PTPN22: variants seen among roughly 807,000 people sequenced by gnomAD.
The protein encoded by PTPN22 is protein tyrosine phosphatase non-receptor type 22.
In PTPN22, 85 loss-of-function variants were observed where a neutral mutation model predicts 103.3. The observed-to-expected ratio is 0.82, with a 90% CI of 0.69 to 0.99. The LOEUF (loss-of-function observed/expected upper bound fraction) is 0.99, where lower values mean the gene tolerates loss of function less well. Ranked by LOEUF, PTPN22 falls within the 50% of genes least tolerant of loss-of-function variation. The probability of loss-of-function intolerance (pLI) is 0.00; values close to 1 mark genes in which losing one functional copy is unlikely to be tolerated. For missense variants in PTPN22, 865 were observed against 936.9 expected (o/e 0.92, Z 1.00); for synonymous variants, 323 against 310.2 (o/e 1.04, Z -0.43).
At chr1:113,845,827 A>G (rs1396460083) in intron 11 of PTPN22, among the ~76,000 whole-genome samples, 2 of 152,204 alleles carry the variant, frequency 1.3e-5, no homozygotes, top group Non-Finnish European at 2.9e-5. Flanking sequence ...TGGTCTATAT[A>G]CATTTAGGAC....
chr1:113,842,697 C>A (rs1042457360), intron 11 of PTPN22, among the ~76,000 whole-genome samples: 12 of 151,588 alleles, frequency 7.9e-5, no homozygotes, highest in African/African-American at 2.9e-4. Flanking sequence ...AAACAAAAAA[C>A]AGAAAATAAA....
intron 11 of PTPN22, among the ~76,000 whole-genome samples, chr1:113,846,118 T>C (rs1664029060): frequency 6.6e-6 from 1 of 152,148 alleles, no homozygotes; most frequent in Admixed American, 6.6e-5. Flanking sequence ...GTATTTAGGC[T>C]TATATGTTTA....
At chr1:113,859,116 G>T in intron 2 of PTPN22, 38 bp from the exon 3 acceptor site, 1 of 1,606,088 alleles carries the variant, frequency 6.2e-7, no homozygotes. Flanking sequence ...AATTAAGAGG[G>T]CTTAGTCAGC....
At chr1:113,818,591 G>A (rs1044036077) in intron 20 of PTPN22, among the ~76,000 whole-genome samples, 1 of 152,146 alleles carries the variant, frequency 6.6e-6, no homozygotes, top group Non-Finnish European at 1.5e-5. Context: ...CTTAGGCGTG[G>A]CAGAGATTGC....
chr1:113,867,357 A>G (rs544595420), intron 1 of PTPN22, among the ~76,000 whole-genome samples: 1 of 152,308 alleles, frequency 6.6e-6, no homozygotes, highest in South Asian at 2.1e-4. Flanking sequence ...GTTAAATTTC[A>G]TCTCTATGGC....
chr1:113,815,052 T>C, intron 20 of PTPN22, 83 bp from the exon 21 acceptor site: 1 of 954,288 alleles, frequency 1.0e-6, no homozygotes, highest in Non-Finnish European at 1.6e-6. Flanking sequence ...TATATTATAA[T>C]ATATGCAAAT....
At chr1:113,831,997 C>G (rs1005821782) in intron 16 of PTPN22, among the ~76,000 whole-genome samples, 1 of 152,214 alleles carries the variant, frequency 6.6e-6, no homozygotes, top group Middle Eastern at 3.4e-3. Flanking sequence ...AAGTACTACG[C>G]TAAAAGCTTT....
chr1:113,853,031 C>T (rs762546855), intron 9 of PTPN22, among the ~76,000 whole-genome samples: 3 of 152,128 alleles, frequency 2.0e-5, no homozygotes, highest in Non-Finnish European at 2.9e-5. Context: ...CTCTGTCTCC[C>T]GGGTTCAAGC....
At position 113,829,725 on chromosome 1, in the gene PTPN22, AG is replaced by A; in HGVS notation, c.2135-19del. 6.9e-7 allele frequency: 1 copy of A among 1,458,276 alleles called. No individual in the cohort carries two copies. The highest frequency in any genetic ancestry group is 9.4e-7 in the Non-Finnish European group (1 of 1,066,206). The allele number at this position is 1,458,276 out of a possible 1,614,324, so 90.3% of individuals were successfully genotyped here. On this transcript the variant is annotated intron_variant, in intron 17 of 20. Transcript: ENST00000359785. ...CTGCATACCTTAAAAAAAAAAAAGG[AG>A]AAAAACATGTTCCATTGCATACCTT...
rs552810579 is a variant in PTPN22 at position 113,861,237 on chromosome 1, G to GTTTGTT, written c.88-1783_88-1778dup. Among the ~76,000 whole-genome samples, 36 of 151,836 alleles carry GTTTGTT rather than the reference G, an allele frequency of 2.4e-4. No homozygotes were observed. The South Asian group carries it at 6.9e-3, about 29-fold the overall frequency. ...CCTTTTTCTTTCTGTTTTTTTGTTT[G>GTTTGTT]TTTGTTTTTGTTTTTGTTTTTGAGA... On this transcript the variant is annotated intron_variant, in intron 1 of 20. Coordinates refer to ENST00000359785, the Ensembl canonical transcript of PTPN22.
chr1:113,852,500 G>A (rs148037288), intron 9 of PTPN22, among the ~76,000 whole-genome samples: 2 of 152,296 alleles, frequency 1.3e-5, no homozygotes, highest in Admixed American at 6.5e-5. Flanking sequence ...AGATTGGAAC[G>A]CAAAGTATGA....
intron 1 of PTPN22, among the ~76,000 whole-genome samples, chr1:113,862,529 T>C (rs376622405): frequency 1.3e-5 from 2 of 152,194 alleles, no homozygotes; most frequent in South Asian, 2.1e-4. Context: ...TTGAGTCATT[T>C]GCATGTTATT....
chr1:113,859,142 C>G, intron 2 of PTPN22, 64 bp from the exon 3 acceptor site: 1 of 1,593,914 alleles, frequency 6.3e-7, no homozygotes, highest in Non-Finnish European at 8.5e-7. Flanking sequence ...TAAATCAGGG[C>G]CTAACACTGT....
exon 13 of PTPN22, chr1:113,838,344 A>G (rs1663210555): frequency 6.2e-7 from 1 of 1,603,456 alleles, no homozygotes; most frequent in African/African-American, 1.3e-5. Context: ...AGTCAAAGGA[A>G]GAAGATTCTT....
chr1:113,861,034 T>C (rs1398967118), intron 1 of PTPN22, among the ~76,000 whole-genome samples: 1 of 152,160 alleles, frequency 6.6e-6, no homozygotes, highest in Non-Finnish European at 1.5e-5. Flanking sequence ...CAGAATGGCT[T>C]TCATTTTTCC....
intron 10 of PTPN22, among the ~76,000 whole-genome samples, chr1:113,849,374 G>A (rs878931731): frequency 6.6e-6 from 1 of 152,118 alleles, no homozygotes; most frequent in African/African-American, 2.4e-5. Context: ...GTTTTTGCCT[G>A]TACTTTCTCA....
intron 20 of PTPN22, among the ~76,000 whole-genome samples, chr1:113,818,346 G>A (rs957036264): frequency 4.0e-5 from 6 of 151,714 alleles, no homozygotes; most frequent in African/African-American, 1.5e-4. Context: ...TGTATTTTTA[G>A]TAGAGACAGG....
At chr1:113,815,094 C>T in intron 20 of PTPN22, 125 bp from the exon 21 acceptor site, 1 of 675,192 alleles carries the variant, frequency 1.5e-6, no homozygotes, top group Non-Finnish European at 2.5e-6. Context: ...TAGGCAGCAT[C>T]TTGACCAGTT....
At chr1:113,818,712 T>G (rs1348179753) in intron 20 of PTPN22, among the ~76,000 whole-genome samples, 3 of 152,242 alleles carry the variant, frequency 2.0e-5, no homozygotes, top group African/African-American at 7.2e-5. Flanking sequence ...TGCAATTTAG[T>G]TATAGCACAT....
Sources: allele counts gnomAD v4.1 joint callset (sites outside exome capture counted in the v4.1 genomes callset), GRCh38; gene constraint gnomAD v4.1.1; transcripts MANE v1.5; gene names NCBI Gene and HGNC (gene_info 2026-07-23, HGNC 2026-07-21).